The following DNAI2 variants were observed in gnomAD, a reference collection of about 807,000 sequenced individuals.
The protein encoded by DNAI2 is dynein, axonemal, intermediate polypeptide 2.
In DNAI2, 63 loss-of-function variants were observed where a neutral mutation model predicts 74.7. The observed-to-expected ratio is 0.84, with a 90% confidence interval of 0.69 to 1.04. DNAI2 has a LOEUF of 1.04. Among genes scored for constraint, DNAI2 ranks in the 50% least tolerant of loss-of-function variants. The pLI is 0.00. For missense variants in DNAI2, 688 were observed against 803.2 expected, an observed-to-expected ratio of 0.86 and a Z score of 1.73; for synonymous variants, 289 against 314.9, an observed-to-expected ratio of 0.92 and a Z score of 0.87.
chr17:74,309,326 G>T lies in DNAI2; in HGVS notation c.1285G>T (p.Asp429Tyr), dbSNP rs1469075793. Residue 429 changes from aspartate (D) to tyrosine (Y), a missense_variant, in exon 10 of 14, where the codon GAC becomes TAC. By Grantham distance (160) the Asp-to-Tyr change is radical. Coordinates refer to ENST00000311014, the MANE Select transcript of DNAI2 (RefSeq NM_023036.6). The part of the protein sequence containing the change: ...RPTVFFTTRM[D>Y]GTLDIWDFMF... ...GACCGTTTTCTTTACCACCAGGATG[G>T]ACGGAACCCTGGATATCTGGGACTT... 2 of 1,614,164 alleles carry T rather than the reference G, an allele frequency of 1.2e-6. No individual in the cohort carries two copies. Among genetic ancestry groups the T allele is most frequent in the East Asian group, 2.2e-5 (1 of 44,882 alleles).
At chr17:74,286,311 A>ATAAT (rs1025914305) in intron 3 of DNAI2, among the ~76,000 whole-genome samples, 2 of 147,938 alleles carry the variant, frequency 1.4e-5, no homozygotes, top group African/African-American at 4.9e-5. Flanking sequence ...AATAATAATA[A>ATAAT]TAATAATAAT....
chr17:74,286,628 T>C (rs997380483), intron 3 of DNAI2, among the ~76,000 whole-genome samples: 10 of 152,140 alleles, frequency 6.6e-5, no homozygotes, highest in Admixed American at 1.3e-4. Flanking sequence ...TTTTACTATG[T>C]TGGCCGGGCT....
At chr17:74,285,319 G>A (rs1244459278) in intron 3 of DNAI2, 118 bp downstream of exon 3, 2 of 1,310,554 alleles carry the variant, frequency 1.5e-6, no homozygotes, top group South Asian at 2.5e-5. Context: ...ATGCTGGGGG[G>A]AAGGGGACCA....
At chr17:74,307,226 G>A (rs2053239280) in intron 9 of DNAI2, 1 of 456,176 alleles carries the variant, frequency 2.2e-6, no homozygotes, top group Non-Finnish European at 4.4e-6. Flanking sequence ...TGCCAGGGCT[G>A]TGTGAAAGGA....
At chr17:74,284,657 T>C (rs1230506503) in intron 2 of DNAI2, among the ~76,000 whole-genome samples, 1 of 152,130 alleles carries the variant, frequency 6.6e-6, no homozygotes, top group Non-Finnish European at 1.5e-5. Flanking sequence ...CGTGATCTGC[T>C]CGCCTCGGCC....
rs10852751 is a variant in DNAI2 at position 74,300,364 on chromosome 17, C to G, written c.864+507C>G. On this transcript the variant is annotated intron_variant, in intron 7 of 13. Coordinates refer to ENST00000311014, the MANE Select transcript of DNAI2 (RefSeq NM_023036.6). The surrounding 1 kb of genome is among the most constrained non-coding windows in gnomAD (Gnocchi z 4.5). ...TGCCTGCACCTCCTCCCCTCCCTCCCTCTCTTATGTCTGCCTTCAGAGCTA... is the reference window on the plus strand; with the variant it reads ...TGCCTGCACCTCCTCCCCTCCCTCCGTCTCTTATGTCTGCCTTCAGAGCTA... 6.6e-6 allele frequency among the ~76,000 whole-genome samples: 1 copy of G among 152,024 alleles called. No individual in the cohort carries two copies. The highest frequency in any genetic ancestry group is 1.5e-5 in the Non-Finnish European group (1 of 68,000).
At chr17:74,313,871 G>A in intron 12 of DNAI2, 1 of 519,812 alleles carries the variant, frequency 1.9e-6, no homozygotes, top group East Asian at 3.6e-5. Context: ...GCTAGCCCGA[G>A]GCCTCCCAGT....
intron 4 of DNAI2, among the ~76,000 whole-genome samples, 200 bp from the exon 5 acceptor site, chr17:74,289,394 G>C (rs549518218): frequency 2.6e-5 from 4 of 152,266 alleles, no homozygotes; most frequent in African/African-American, 9.6e-5. Flanking sequence ...AGGCGTGGTG[G>C]TGTGCGCCTG....
intron 8 of DNAI2, among the ~76,000 whole-genome samples, chr17:74,303,154 C>T (rs750625351): frequency 2.6e-5 from 4 of 152,090 alleles, no homozygotes; most frequent in Non-Finnish European, 4.4e-5. Context: ...TGTTATTATC[C>T]GTACTTGCCA....
At chr17:74,286,079 C>T (rs975864398) in intron 3 of DNAI2, among the ~76,000 whole-genome samples, 1 of 151,556 alleles carries the variant, frequency 6.6e-6, no homozygotes, top group Non-Finnish European at 1.5e-5. Context: ...GCAGATCACT[C>T]GAGCTCAGGA....
rs1490144022 is a variant in DNAI2 at position 74,281,884 on chromosome 17, CGCCA to C, written c.69_72del (p.Gln24ProfsTer3). On this transcript the variant is annotated frameshift_variant, in exon 2 of 14. Transcript: ENST00000311014. LOFTEE classifies it high-confidence loss of function. ...CGGGAAGCAGTGCAATTTCTCGGAC[CGCCA>C]GGCCGAGCTGAACATCGACATCATG... 6.2e-7 allele frequency: 1 copy of C among 1,614,100 alleles called. No homozygotes were observed. Among genetic ancestry groups the C allele is most frequent in the Non-Finnish European group, 8.5e-7 (1 of 1,180,036 alleles).
Position 74,314,281 on chromosome 17 carries a change from C to A in DNAI2, c.*55+10C>A, listed in dbSNP as rs2053702011. 6.2e-7 allele frequency: 1 copy of A among 1,608,978 alleles called. No individual in the cohort carries two copies. Among genetic ancestry groups the A allele is most frequent in the Non-Finnish European group, 8.5e-7 (1 of 1,176,848 alleles). ...CCTTTCCCACCTCTTGGTATTGCCCCGCTCTCACAAGTGGGAGGCTGAGCT... is the reference window on the plus strand; with the variant it reads ...CCTTTCCCACCTCTTGGTATTGCCCAGCTCTCACAAGTGGGAGGCTGAGCT... On this transcript the variant is annotated intron_variant, in intron 13 of 13. Coordinates refer to ENST00000311014, the MANE Select transcript of DNAI2 (RefSeq NM_023036.6).
At chr17:74,297,851 C>T (rs2052540000) in intron 6 of DNAI2, among the ~76,000 whole-genome samples, 1 of 152,196 alleles carries the variant, frequency 6.6e-6, no homozygotes, top group African/African-American at 2.4e-5. Flanking sequence ...GCATTCCCCA[C>T]TCCTCTCTGC....
Position 74,312,030 on chromosome 17 carries a change from A to G in DNAI2, c.1522A>G (p.Lys508Glu). Residue 508 changes from lysine to glutamate, a missense_variant, in exon 12 of 14, where the codon AAG (lysine) becomes GAG (glutamate). Physicochemically the swap from Lys to Glu is moderately conservative, Grantham distance 56. Transcript: ENST00000311014. ...SMFERETRRE[K>E]ILEARHREMR... ...GTTTGAGCGTGAGACCCGGCGAGAG[A>G]AGATCCTGGAGGCCAGGCACCGGGA... 1 of 1,611,912 alleles carries G rather than the reference A, an allele frequency of 6.2e-7. No individual in the cohort carries two copies. Among genetic ancestry groups the G allele is most frequent in the Non-Finnish European group, 8.5e-7 (1 of 1,179,722 alleles).
At chr17:74,299,306 C>T (rs1283984350) in intron 6 of DNAI2, among the ~76,000 whole-genome samples, 2 of 152,126 alleles carry the variant, frequency 1.3e-5, no homozygotes, top group African/African-American at 4.8e-5. Context: ...CGTGCTTTTC[C>T]CTACGTTAGG....
At position 74,305,430 on chromosome 17, in the gene DNAI2, T is replaced by A. The variant is rs1385693618; in HGVS notation, c.1199T>A (p.Ile400Asn). 3 of 1,613,820 alleles carry A rather than the reference T, an allele frequency of 1.9e-6. No homozygotes were observed. The highest frequency in any genetic ancestry group is 2.5e-6 in the Non-Finnish European group (3 of 1,179,988). ...TCTGAAGACAGCCGGGAATCGTCCA[T>A]CATGTGGACCAAGTAAGAGGCGATG... ...IWSEDSRESS[I>N]MWTKYHMAYL... The change falls in exon 9 of 14, where the codon ATC becomes AAC. Residue 400 changes from isoleucine to asparagine, a missense_variant. Transcript: ENST00000311014.
intron 1 of DNAI2, among the ~76,000 whole-genome samples, chr17:74,280,171 A>G (rs1165837087): frequency 1.3e-5 from 2 of 152,254 alleles, no homozygotes; most frequent in African/African-American, 4.8e-5. Context: ...CAGAAAGGTC[A>G]AGGGCAATAT....
chr17:74,309,757 G>A (rs1213547384), intron 10 of DNAI2: 2 of 636,342 alleles, frequency 3.1e-6, no homozygotes. Context: ...CCACTGGCTG[G>A]GGCCACGGAA....
At chr17:74,278,896 G>A (rs1343509728) in intron 1 of DNAI2, among the ~76,000 whole-genome samples, 3 of 152,228 alleles carry the variant, frequency 2.0e-5, no homozygotes, top group Admixed American at 1.3e-4. Flanking sequence ...GGCCGGGCGC[G>A]GTGGCTCACG....
Sources: allele counts gnomAD v4.1 joint callset (sites outside exome capture counted in the v4.1 genomes callset), GRCh38; gene constraint gnomAD v4.1.1; non-coding constraint Gnocchi (gnomAD v3.1); transcripts MANE v1.5; gene names NCBI Gene and HGNC (gene_info 2026-07-23, HGNC 2026-07-21).